The following CDKL3 variants were observed in gnomAD, a reference collection of about 807,000 sequenced individuals.
The protein encoded by CDKL3 is cyclin dependent kinase like 3.
CDKL3 carries 65 observed loss-of-function variants against 69.3 expected under a neutral mutation model. That is an observed-to-expected ratio of 0.94 (90% confidence interval 0.77 to 1.15). The LOEUF is 1.15. CDKL3 is among the 50% of genes most tolerant of loss of function. CDKL3 has a pLI of 0.00. For missense variants in CDKL3, 652 were observed against 689.2 expected (o/e 0.95, Z 0.61); for synonymous variants, 202 against 221.6 (o/e 0.91, Z 0.79).
At chr5:134,318,456 G>A (rs1418526452) in intron 6 of CDKL3, among the ~76,000 whole-genome samples, 3 of 151,878 alleles carry the variant, frequency 2.0e-5, no homozygotes, top group Non-Finnish European at 2.9e-5. Context: ...GATAAATACA[G>A]TAAGTCCTTA....
chr5:134,308,875 C>G, intron 7 of CDKL3, 148 bp from the exon 8 acceptor site: 1 of 705,232 alleles, frequency 1.4e-6, no homozygotes, highest in East Asian at 3.1e-5. Context: ...GATGGCCCAA[C>G]ATTTACCTAA....
intron 4 of CDKL3, among the ~76,000 whole-genome samples, chr5:134,322,150 A>T (rs1023187197): frequency 6.6e-6 from 1 of 152,056 alleles, no homozygotes; most frequent in Non-Finnish European, 1.5e-5. Context: ...AGTAGCTGGG[A>T]TTAGAGGCGT....
At chr5:134,299,612 T>C (rs994148221) in intron 12 of CDKL3, 2 of 1,419,856 alleles carry the variant, frequency 1.4e-6, no homozygotes, top group South Asian at 2.8e-5. Context: ...GTTAGCATTT[T>C]TGTGTATGTA....
At chr5:134,365,230 G>A (rs1312752437) in intron 2 of CDKL3, among the ~76,000 whole-genome samples, 1 of 151,908 alleles carries the variant, frequency 6.6e-6, no homozygotes, top group Non-Finnish European at 1.5e-5. Context: ...TGATCCACCC[G>A]CCTCAGCCTC....
intron 6 of CDKL3, among the ~76,000 whole-genome samples, chr5:134,316,552 G>A (rs1237422167): frequency 1.3e-5 from 2 of 151,278 alleles, no homozygotes; most frequent in Non-Finnish European, 2.9e-5. Flanking sequence ...AGCTGAGATC[G>A]TGCCACTGCA....
chr5:134,371,406 A>C, upstream of CDKL3: 1 of 731,990 alleles, frequency 1.4e-6, no homozygotes, highest in Non-Finnish European at 2.2e-6. Context: ...ACACTGTGGT[A>C]GCGGCGGAGG....
intron 4 of CDKL3, among the ~76,000 whole-genome samples, chr5:134,323,301 G>T (rs1773281831): frequency 6.6e-6 from 1 of 152,086 alleles, no homozygotes; most frequent in Non-Finnish European, 1.5e-5. Flanking sequence ...AAAACATCAT[G>T]CTGTACACAA....
chr5:134,346,432 T>C (rs1455892626), intron 4 of CDKL3, among the ~76,000 whole-genome samples: 1 of 152,240 alleles, frequency 6.6e-6, no homozygotes, highest in Non-Finnish European at 1.5e-5. Flanking sequence ...GCTTTTCTCT[T>C]GCTAACCTAT....
chr5:134,356,699 G>A (rs1216615716), intron 3 of CDKL3, among the ~76,000 whole-genome samples: 2 of 152,058 alleles, frequency 1.3e-5, no homozygotes, highest in African/African-American at 4.8e-5. Flanking sequence ...CAGGAAAATT[G>A]CTTGAACCTG....
chr5:134,303,248 T>C (rs1156857023), intron 11 of CDKL3, among the ~76,000 whole-genome samples: 1 of 151,960 alleles, frequency 6.6e-6, no homozygotes, highest in Non-Finnish European at 1.5e-5. Flanking sequence ...TGAGCCACCA[T>C]GCCTGGCTAA....
intron 2 of CDKL3, among the ~76,000 whole-genome samples, chr5:134,361,593 A>G (rs1408772169): frequency 1.3e-5 from 2 of 152,152 alleles, no homozygotes; most frequent in African/African-American, 4.8e-5. Context: ...GCAATAGCAT[A>G]TTGACAGCAG....
chr5:134,299,680 T>C (rs1414315179), intron 12 of CDKL3: 1 of 1,531,928 alleles, frequency 6.5e-7, no homozygotes, highest in Non-Finnish European at 8.7e-7. Flanking sequence ...TCCCTGAATT[T>C]TCAGCTGCTG....
intron 4 of CDKL3, among the ~76,000 whole-genome samples, chr5:134,326,866 T>TATAC (rs1561563782): frequency 9.4e-4 from 92 of 98,206 alleles, no homozygotes; most frequent in South Asian, 5.9e-3. Context: ...TATATATATA[T>TATAC]ACACACACAC....
chr5:134,348,986 T>C (rs1048604497), intron 4 of CDKL3, among the ~76,000 whole-genome samples: 35 of 152,114 alleles, frequency 2.3e-4, no homozygotes, highest in African/African-American at 8.2e-4. Context: ...GGGGAATGGA[T>C]TGTGAATCCT....
intron 5 of CDKL3, 41 bp from the exon 6 acceptor site, chr5:134,319,538 T>C (rs779885864): frequency 4.8e-6 from 7 of 1,457,282 alleles, no homozygotes; most frequent in East Asian, 5.1e-5. Flanking sequence ...AACAGAGAAA[T>C]AGTCTATAAT....
chr5:134,313,830 C>T (rs1278546512), intron 6 of CDKL3, among the ~76,000 whole-genome samples: 1 of 151,800 alleles, frequency 6.6e-6, no homozygotes, highest in East Asian at 1.9e-4. Flanking sequence ...GTGGCAATAC[C>T]TAGGTCTTTA....
chr5:134,368,639 AAAG>A (rs1361409453), upstream of CDKL3, among the ~76,000 whole-genome samples: 1 of 151,430 alleles, frequency 6.6e-6, no homozygotes, highest in Non-Finnish European at 1.5e-5. Context: ...AAAAAAAAAA[AAAG>A]AAAGTTATTC....
chr5:134,334,513 T>C (rs1472567321), intron 4 of CDKL3, among the ~76,000 whole-genome samples: 1 of 152,250 alleles, frequency 6.6e-6, no homozygotes, highest in East Asian at 1.9e-4. Context: ...GTATGTTGTG[T>C]CTTTGTTCTT....
chr5:134,366,840 G>T (rs1757552625), intron 1 of CDKL3, 137 bp downstream of exon 1: 1 of 935,060 alleles, frequency 1.1e-6, no homozygotes, highest in Non-Finnish European at 1.3e-6. Flanking sequence ...CAAGCATGGG[G>T]TCCCTACACT....
Sources: gnomAD v4.1 joint callset for allele counts (sites outside exome capture counted in the v4.1 genomes callset) on GRCh38, gnomAD v4.1.1 for gene constraint, MANE v1.5 for transcripts, NCBI Gene and HGNC (gene_info 2026-07-23, HGNC 2026-07-21) for gene names.